C14orf132: variants seen among roughly 807,000 people sequenced by gnomAD.
C14orf132 encodes the protein uncharacterized protein C14orf132.
In C14orf132, 6 loss-of-function variants were observed where a neutral mutation model predicts 5.8. The observed-to-expected ratio is 1.03, with a 90% CI of 0.57 to 2.04. The LOEUF (loss-of-function observed/expected upper bound fraction) is 2.04. Ranked by LOEUF, C14orf132 falls within the 30% of genes most tolerant of loss-of-function variation. C14orf132 has a pLI of 0.00. For synonymous variants in C14orf132, 51 were observed against 49.8 expected (o/e 1.02, Z -0.10); for missense variants, 125 against 115.8 (o/e 1.08, Z -0.37).
In C14orf132 at chr14:96,086,827, G is replaced by A; in HGVS notation, c.*92G>A. On this transcript the variant is annotated 3_prime_UTR_variant, in exon 2 of 2. Transcript: ENST00000555004. Reference sequence around the variant, plus strand: ...TGGCTTCTCCTGTGTTCTAGAACCAGGAGTTTTGACCAGGGGCGGCGGCCG... The same window carrying A: ...TGGCTTCTCCTGTGTTCTAGAACCAAGAGTTTTGACCAGGGGCGGCGGCCG... The A allele has an allele frequency of 7.6e-7, 1 of 1,314,666 alleles. No individual in the cohort carries two copies. Among genetic ancestry groups the A allele is most frequent in the Non-Finnish European group, 1.0e-6 (1 of 969,002 alleles). 81.4% of individuals were successfully genotyped at this position (1,314,666 alleles called of 1,614,324 possible). A position where few individuals can be genotyped will look rare whatever the true frequency, so the allele number is the denominator to read the frequency against.
rs147910597 is a variant in C14orf132, at chr14:96,072,624, C to G, written c.28-13887C>G. ...TAAAAATTTAGAACTTTCCATCACT[C>G]CAAAATATCTCCTCTTGCTGCCTCT... On this transcript the variant is annotated intron_variant, in intron 1 of 1. Coordinates refer to ENST00000555004, the MANE Select transcript of C14orf132 (RefSeq NM_001252507.3). Among the ~76,000 whole-genome samples the G allele has an allele frequency of 1.2e-3, 182 of 152,310 alleles. 1 individual carries two copies. Among genetic ancestry groups the G allele is most frequent in the African/African-American group, 3.9e-3 (164 of 41,572 alleles).
chr14:96,042,481 A>G (rs1229350174), intron 1 of C14orf132, among the ~76,000 whole-genome samples: 1 of 152,246 alleles, frequency 6.6e-6, no homozygotes, highest in African/African-American at 2.4e-5. Flanking sequence ...TAACTAAGTC[A>G]GTGAAACCAG....
At position 96,039,894 on chromosome 14, in the gene C14orf132, C is replaced by T. The variant is rs138726096; in HGVS notation, c.27+367C>T. Among the ~76,000 whole-genome samples the T allele has an allele frequency of 1.2e-3, 186 of 152,220 alleles. 5 individuals are homozygous for T. The Middle Eastern group carries it at 0.014, about 11-fold the overall frequency. On this transcript the variant is annotated intron_variant, in intron 1 of 1. Coordinates refer to ENST00000555004, the MANE Select transcript of C14orf132 (RefSeq NM_001252507.3). This position sits in a 1 kb window ranked among gnomAD's most constrained non-coding sequence, Gnocchi z 5.3. The stretch of plus-strand genomic sequence containing the variant: ...CTCCAAGGCCGGGCCAGCTCAGACC[C>T]GCGCGAACGTGGATGGGCACACAGT...
intron 1 of C14orf132, among the ~76,000 whole-genome samples, chr14:96,061,034 C>T (rs751811617): frequency 6.6e-5 from 10 of 151,750 alleles, no homozygotes; most frequent in Admixed American, 6.6e-5. Flanking sequence ...GACAATGCCA[C>T]GACCATCACC....
At chr14:96,047,094 A>G (rs1886850269) in intron 1 of C14orf132, among the ~76,000 whole-genome samples, 1 of 152,224 alleles carries the variant, frequency 6.6e-6, no homozygotes, top group African/African-American at 2.4e-5. Flanking sequence ...ATTAAAATAC[A>G]AATTGTCTGT....
At chr14:96,079,594 C>G (rs999390164) in intron 1 of C14orf132, among the ~76,000 whole-genome samples, 10 of 151,892 alleles carry the variant, frequency 6.6e-5, no homozygotes, top group African/African-American at 2.4e-4. Flanking sequence ...GCAAGTGGGC[C>G]TTTGGTATTT....
In C14orf132 at chr14:96,045,435, AG is replaced by A. The variant is rs1718556571; in HGVS notation, c.27+5912del. The stretch of plus-strand genomic sequence containing the variant: ...GAGTTGCTAGTGGCCATTGGAGCAG[AG>A]GGGTCAGGTGGTGAGGGGGTGGGTG... On this transcript the variant is annotated intron_variant, in intron 1 of 1. Coordinates refer to ENST00000555004, the MANE Select transcript of C14orf132 (RefSeq NM_001252507.3). Among the ~76,000 whole-genome samples, 4 of 152,152 alleles carry A rather than the reference AG, an allele frequency of 2.6e-5. No individual in the cohort carries two copies. In the South Asian group the frequency reaches 8.3e-4, roughly 32 times the overall value.
chr14:96,083,446 G>T (rs936306494), intron 1 of C14orf132, among the ~76,000 whole-genome samples: 1 of 152,214 alleles, frequency 6.6e-6, no homozygotes, highest in Non-Finnish European at 1.5e-5. Context: ...AAAGGACTTT[G>T]CAGGTGTGAT....
intron 1 of C14orf132, among the ~76,000 whole-genome samples, chr14:96,068,109 C>T (rs1446148336): frequency 6.6e-6 from 1 of 152,192 alleles, no homozygotes; most frequent in African/African-American, 2.4e-5. Context: ...AAACATTAGT[C>T]AAGGAGAGTG....
Position 96,087,452 on chromosome 14 carries a change from T to A in C14orf132, c.*717T>A, listed in dbSNP as rs1318019827. On this transcript the variant is annotated 3_prime_UTR_variant, in exon 2 of 2. Coordinates refer to ENST00000555004, the MANE Select transcript of C14orf132 (RefSeq NM_001252507.3). ...GAGCTAGATGTGCCAGGCAGTGGACTCTTCAGGCCACCCACGTGAGAATGC... is the reference window on the plus strand; with the variant it reads ...GAGCTAGATGTGCCAGGCAGTGGACACTTCAGGCCACCCACGTGAGAATGC... 1 of 152,114 alleles carries A rather than the reference T, an allele frequency of 6.6e-6. No homozygotes were observed. The allele number at this position is 152,114 out of a possible 1,614,324, so 9.4% of individuals were successfully genotyped here. A position where few individuals can be genotyped will look rare whatever the true frequency, so the allele number is the denominator to read the frequency against.
chr14:96,042,661 A>G (rs571128307), intron 1 of C14orf132, among the ~76,000 whole-genome samples: 1 of 152,236 alleles, frequency 6.6e-6, no homozygotes, highest in Non-Finnish European at 1.5e-5. Context: ...GACACCAGTT[A>G]TCTGGCAAAT....
At chr14:96,057,837 T>C (rs551955209) in intron 1 of C14orf132, among the ~76,000 whole-genome samples, 1 of 152,246 alleles carries the variant, frequency 6.6e-6, no homozygotes, top group South Asian at 2.1e-4. Context: ...CCTGGATCCT[T>C]TGTGGAGAAC....
At chr14:96,071,670 T>C (rs1018540834) in intron 1 of C14orf132, among the ~76,000 whole-genome samples, 12 of 152,208 alleles carry the variant, frequency 7.9e-5, no homozygotes, top group Non-Finnish European at 1.6e-4. Context: ...CCTGTGGACC[T>C]AGCCTGTTGC....
At chr14:96,040,019 A>C in intron 1 of C14orf132, among the ~76,000 whole-genome samples, 1 of 149,308 alleles carries the variant, frequency 6.7e-6, no homozygotes, top group African/African-American at 2.5e-5. Flanking sequence ...AGGCTCTGAG[A>C]CCCGCTTTGT....
intron 1 of C14orf132, among the ~76,000 whole-genome samples, chr14:96,049,579 CGT>C (rs1491229282): frequency 3.1e-5 from 3 of 98,278 alleles, no homozygotes; most frequent in African/African-American, 7.2e-5. Flanking sequence ...TACATATATA[CGT>C]ATATATATAC....
rs1888295013 is a variant in C14orf132, at chr14:96,088,909, T to G, written c.*2174T>G. ...GTGCTTCTGGCTGCAGTTTTCCCTA[T>G]GGAGGCCCCTCAGCCTCCAGCCCTA... On this transcript the variant is annotated 3_prime_UTR_variant, in exon 2 of 2. Transcript: ENST00000555004. The G allele has an allele frequency of 2.0e-5, 3 of 152,326 alleles. No individual in the cohort carries two copies. The highest frequency in any genetic ancestry group is 2.0e-4 in the Admixed American group (3 of 15,288). The allele number at this position is 152,326 out of a possible 1,614,324, so 9.4% of individuals were successfully genotyped here.
chr14:96,086,905 G>T lies in C14orf132; in HGVS notation c.*170G>T. 2.9e-6 allele frequency: 2 copies of T among 691,520 alleles called. No homozygotes were observed. The highest frequency in any genetic ancestry group is 2.4e-6 in the Non-Finnish European group (1 of 419,934). The allele number at this position is 691,520 out of a possible 1,614,324, so 42.8% of individuals were successfully genotyped here. A position where few individuals can be genotyped will look rare whatever the true frequency, so the allele number is the denominator to read the frequency against. ...CTGATTTCAAATATCCCATGTTGTG[G>T]TCAAGCTGAGTCAGAAGACATGGAA... On this transcript the variant is annotated 3_prime_UTR_variant, in exon 2 of 2. Transcript: ENST00000555004.
intron 1 of C14orf132, among the ~76,000 whole-genome samples, chr14:96,075,230 A>G (rs568274731): frequency 5.9e-5 from 9 of 152,262 alleles, no homozygotes; most frequent in African/African-American, 9.6e-5. Context: ...GTGGAAACAC[A>G]ATTGATCTTT....
At chr14:96,080,240 G>A (rs564047366) in intron 1 of C14orf132, among the ~76,000 whole-genome samples, 1 of 152,284 alleles carries the variant, frequency 6.6e-6, no homozygotes, top group South Asian at 2.1e-4. Context: ...GACAGGGCAG[G>A]GCTGGAGCAG....
Sources: allele counts gnomAD v4.1 joint callset (sites outside exome capture counted in the v4.1 genomes callset), GRCh38; gene constraint gnomAD v4.1.1; non-coding constraint Gnocchi (gnomAD v3.1); transcripts MANE v1.5; gene names NCBI Gene and HGNC (gene_info 2026-07-23, HGNC 2026-07-21).